Variants in FBXL7 observed in about 807,000 individuals in gnomAD.
FBXL7 encodes the protein F-box and leucine rich repeat protein 7, also known as F-box/LRR-repeat protein 7.
A neutral mutation model predicts 38.3 loss-of-function variants in FBXL7; 12 were observed. The ratio of observed to expected loss-of-function variants is 0.31; its 90% CI spans 0.20 to 0.51. The LOEUF is 0.51. FBXL7 is among the 20% of genes least tolerant of loss of function. The pLI is 0.98. For missense variants in FBXL7, 567 were observed against 676.4 expected (o/e 0.84, Z 1.79); for synonymous variants, 297 against 300.9 (o/e 0.99, Z 0.13).
intron 2 of FBXL7, among the ~76,000 whole-genome samples, chr5:15,809,141 A>G (rs1737789625): frequency 1.3e-5 from 2 of 152,206 alleles, no homozygotes; most frequent in South Asian, 2.1e-4. Flanking sequence ...TTGTGCATCA[A>G]TGTCTGCATA....
intron 1 of FBXL7, among the ~76,000 whole-genome samples, chr5:15,531,262 A>G (rs146377479): frequency 1.3e-5 from 2 of 152,332 alleles, no homozygotes; most frequent in African/African-American, 4.8e-5. Flanking sequence ...AACCAGATCT[A>G]TTTGTAAAAA....
intron 1 of FBXL7, among the ~76,000 whole-genome samples, chr5:15,561,597 A>T (rs1738418150): frequency 6.6e-6 from 1 of 152,108 alleles, no homozygotes; most frequent in African/African-American, 2.4e-5. Context: ...CTACTGTGTC[A>T]TGTAGTAGTC....
At chr5:15,836,389 AAAAG>A (rs1249229944) in intron 2 of FBXL7, among the ~76,000 whole-genome samples, 3 of 152,218 alleles carry the variant, frequency 2.0e-5, no homozygotes, top group Non-Finnish European at 4.4e-5. Flanking sequence ...ATACAGAACA[AAAAG>A]AAAAAGAAAA....
intron 2 of FBXL7, among the ~76,000 whole-genome samples, chr5:15,800,911 C>T (rs1469714547): frequency 6.6e-6 from 1 of 152,166 alleles, no homozygotes; most frequent in African/African-American, 2.4e-5. Flanking sequence ...TCCAGAGAAA[C>T]AGAAACAATA....
intron 1 of FBXL7, among the ~76,000 whole-genome samples, chr5:15,527,955 G>T (rs1429944401): frequency 2.0e-5 from 3 of 152,194 alleles, no homozygotes; most frequent in Admixed American, 6.5e-5. Flanking sequence ...TTCACTGAGA[G>T]AAAAGCCGTT....
At chr5:15,804,286 A>T (rs1737647080) in intron 2 of FBXL7, among the ~76,000 whole-genome samples, 1 of 151,962 alleles carries the variant, frequency 6.6e-6, no homozygotes, top group Non-Finnish European at 1.5e-5. Flanking sequence ...TGGACAACAC[A>T]GAGAGACCCC....
chr5:15,755,461 A>G (rs1049386492), intron 2 of FBXL7, among the ~76,000 whole-genome samples: 2 of 152,164 alleles, frequency 1.3e-5, no homozygotes, highest in Non-Finnish European at 2.9e-5. Context: ...TGTCTCCCAT[A>G]TACAGATATA....
At chr5:15,903,915 A>G (rs6897647) in intron 2 of FBXL7, among the ~76,000 whole-genome samples, 120,123 of 152,012 alleles carry the variant, frequency 0.79, 49,100 homozygotes, top group Non-Finnish European at 0.89. Flanking sequence ...CTTTCTTTTT[A>G]TGTAACTTTT....
At chr5:15,501,391 G>A in intron 1 of FBXL7, 1 of 981,182 alleles carries the variant, frequency 1.0e-6, no homozygotes, top group Non-Finnish European at 1.2e-6. Flanking sequence ...GATGATGGAT[G>A]TCTGGGTTGG....
At position 15,757,123 on chromosome 5, in the gene FBXL7, T is replaced by C. The variant is rs535861068; in HGVS notation, c.127+141051T>C. 2.0e-5 allele frequency among the ~76,000 whole-genome samples: 3 copies of C among 152,256 alleles called. 1 individual carries two copies. The highest frequency in any genetic ancestry group is 3.9e-4 in the East Asian group (2 of 5,178). On this transcript the variant is annotated intron_variant, in intron 2 of 3. Coordinates refer to ENST00000504595, the MANE Select transcript of FBXL7 (RefSeq NM_012304.5). ...GTAAATCAGTGAGTGGATGTAGGAA[T>C]TGGGGTAAATGAGCAATAGCTGCCT...
chr5:15,708,278 G>A (rs1006644788), intron 2 of FBXL7, among the ~76,000 whole-genome samples: 2 of 152,190 alleles, frequency 1.3e-5, no homozygotes, highest in Non-Finnish European at 2.9e-5. Context: ...AACTCAAGTA[G>A]CCCCATCTTT....
At chr5:15,869,296 C>T (rs934763787) in intron 2 of FBXL7, among the ~76,000 whole-genome samples, 1 of 152,088 alleles carries the variant, frequency 6.6e-6, no homozygotes, top group African/African-American at 2.4e-5. Context: ...GGTGTGAATA[C>T]CAGGAAGCAG....
chr5:15,566,544 C>A (rs142051558), intron 1 of FBXL7, among the ~76,000 whole-genome samples: 7 of 152,222 alleles, frequency 4.6e-5, no homozygotes, highest in Non-Finnish European at 8.8e-5. Flanking sequence ...TCAGAGCAGA[C>A]ACTGGGAGAA....
At chr5:15,825,635 T>G (rs1278474056) in intron 2 of FBXL7, among the ~76,000 whole-genome samples, 1 of 152,362 alleles carries the variant, frequency 6.6e-6, no homozygotes, top group East Asian at 1.9e-4. Context: ...TATAAAGCTA[T>G]GGAAATTTTA....
chr5:15,726,348 T>C (rs1744351830), intron 2 of FBXL7, among the ~76,000 whole-genome samples: 4 of 151,790 alleles, frequency 2.6e-5, no homozygotes, highest in Non-Finnish European at 4.4e-5. Flanking sequence ...GAGCAAGGAG[T>C]TCCAGATTGT....
At chr5:15,555,786 G>GATAGATAA (rs200090927) in intron 1 of FBXL7, among the ~76,000 whole-genome samples, 5,483 of 123,420 alleles carry the variant, frequency 0.044, 131 homozygotes, top group Non-Finnish European at 0.058. Flanking sequence ...GGGTAGATGA[G>GATAGATAA]ATAGATAGAT....
At chr5:15,696,367 G>A (rs1472208997) in intron 2 of FBXL7, among the ~76,000 whole-genome samples, 1 of 152,218 alleles carries the variant, frequency 6.6e-6, no homozygotes, top group Admixed American at 6.5e-5. Context: ...GGGAAAGGGA[G>A]AGGATTATTT....
At chr5:15,915,688 A>G (rs886432757) in intron 2 of FBXL7, among the ~76,000 whole-genome samples, 1 of 152,188 alleles carries the variant, frequency 6.6e-6, no homozygotes, top group Non-Finnish European at 1.5e-5. Context: ...AACAGAAGGA[A>G]TGAGCTAGTC....
chr5:15,549,331 G>C (rs1465193401), intron 1 of FBXL7, among the ~76,000 whole-genome samples: 1 of 152,164 alleles, frequency 6.6e-6, no homozygotes, highest in African/African-American at 2.4e-5. Context: ...ATATCTTGGA[G>C]AAGTGAAGTC....
Sources: allele counts gnomAD v4.1 joint callset (sites outside exome capture counted in the v4.1 genomes callset), GRCh38; gene constraint gnomAD v4.1.1; transcripts MANE v1.5; gene names NCBI Gene and HGNC (gene_info 2026-07-23, HGNC 2026-07-21).